Variants in CDC42BPA observed in about 807,000 individuals in gnomAD.
The protein encoded by CDC42BPA is serine/threonine-protein kinase MRCK alpha.
CDC42BPA carries 80 observed loss-of-function variants against 223.5 expected under a neutral mutation model. That is an observed-to-expected ratio of 0.36 (90% CI 0.30 to 0.43). CDC42BPA has a LOEUF of 0.43. CDC42BPA is among the 20% of genes least tolerant of loss of function. The pLI, the probability that CDC42BPA is intolerant of heterozygous loss-of-function variation, is 1.00. For synonymous variants in CDC42BPA, 694 were observed against 718.6 expected, an observed-to-expected ratio of 0.97 and a Z score of 0.55; for missense variants, 1,743 against 2,099.9, an observed-to-expected ratio of 0.83 and a Z score of 3.32.
intron 1 of CDC42BPA, among the ~76,000 whole-genome samples, chr1:227,300,363 C>A (rs976830008): frequency 1.3e-5 from 2 of 152,156 alleles, no homozygotes; most frequent in Non-Finnish European, 2.9e-5. Context: ...CACACCTGCA[C>A]ACATATGTTT....
In CDC42BPA at chr1:227,213,899, T is replaced by A. The variant is rs917682652; in HGVS notation, c.271-680A>T. Among the ~76,000 whole-genome samples the A allele has an allele frequency of 5.9e-5, 9 of 152,112 alleles. No individual in the cohort carries two copies. In the South Asian group the frequency reaches 1.0e-3, roughly 18 times the overall value. ...TATTTCAATTGCAGATCAAAAACTA[T>A]CAAATACAATAAATAAAATCCCTTT... On this transcript the variant is annotated intron_variant, in intron 2 of 36. Coordinates refer to ENST00000366766, the MANE Select transcript of CDC42BPA (RefSeq NM_001394014.1).
chr1:227,223,445 T>C (rs1244632241), intron 2 of CDC42BPA, among the ~76,000 whole-genome samples: 2 of 152,312 alleles, frequency 1.3e-5, no homozygotes, highest in Admixed American at 6.5e-5. Flanking sequence ...TCTGCGCAGA[T>C]AGTTTTAGCT....
chr1:227,305,007 A>G (rs1396665856), intron 1 of CDC42BPA, among the ~76,000 whole-genome samples: 1 of 152,204 alleles, frequency 6.6e-6, no homozygotes, highest in African/African-American at 2.4e-5. Flanking sequence ...ATACATACAT[A>G]ATAAGTGGCC....
At chr1:227,102,334 T>C (rs1337833459) in intron 14 of CDC42BPA, among the ~76,000 whole-genome samples, 1 of 152,122 alleles carries the variant, frequency 6.6e-6, no homozygotes, top group East Asian at 1.9e-4. Flanking sequence ...CAGATCCAGA[T>C]CGTCCAATGG....
chr1:227,315,982 T>C (rs1403278807), intron 1 of CDC42BPA, among the ~76,000 whole-genome samples: 1 of 106,918 alleles, frequency 9.4e-6, no homozygotes, highest in Non-Finnish European at 2.0e-5. Context: ...AAAGACACAA[T>C]CAGCACTTGA....
chr1:227,204,035 T>C (rs936747022), intron 3 of CDC42BPA, among the ~76,000 whole-genome samples: 1 of 152,180 alleles, frequency 6.6e-6, no homozygotes, highest in Non-Finnish European at 1.5e-5. Flanking sequence ...CTTTGGCTTA[T>C]CATTTAGTAG....
intron 21 of CDC42BPA, among the ~76,000 whole-genome samples, chr1:227,059,188 C>T (rs1675248477): frequency 7.0e-6 from 1 of 142,626 alleles, no homozygotes; most frequent in Admixed American, 7.2e-5. Context: ...GCGGCCAAAG[C>T]CAAAAAAAAA....
At position 227,160,650 on chromosome 1, in the gene CDC42BPA, T is replaced by G. The variant is rs766003147; in HGVS notation, c.600-14A>C. 2 of 1,355,254 alleles carry G rather than the reference T, an allele frequency of 1.5e-6. No homozygotes were observed. Among genetic ancestry groups the G allele is most frequent in the South Asian group, 2.6e-5 (2 of 75,622 alleles). 84.0% of individuals were successfully genotyped at this position (1,355,254 alleles called of 1,614,324 possible). The stretch of plus-strand genomic sequence containing the variant: ...GGTTTAATGTCTCTGAAAAAATAAA[T>G]AAATTCAATTTTTAGTGGAAAAATA... On this transcript the variant is annotated splice_polypyrimidine_tract_variant and intron_variant, in intron 5 of 36. Transcript: ENST00000366766.
At chr1:227,149,093 C>T (rs114490831) in intron 6 of CDC42BPA, among the ~76,000 whole-genome samples, 1,637 of 152,162 alleles carry the variant, frequency 0.011, 34 homozygotes, top group African/African-American at 0.037. Flanking sequence ...ATACCTTTTG[C>T]CTTAAAACGT....
intron 14 of CDC42BPA, among the ~76,000 whole-genome samples, chr1:227,109,674 T>C (rs1029220651): frequency 1.3e-5 from 2 of 152,012 alleles, no homozygotes; most frequent in African/African-American, 4.8e-5. Context: ...CTATCTTTCT[T>C]TATATCCATT....
At chr1:227,124,576 A>C (rs889003807) in intron 11 of CDC42BPA, among the ~76,000 whole-genome samples, 1 of 152,150 alleles carries the variant, frequency 6.6e-6, no homozygotes, top group Non-Finnish European at 1.5e-5. Context: ...AAAGGGAAGG[A>C]AAGAAAGAAA....
At chr1:227,259,614 T>C (rs1192090252) in intron 1 of CDC42BPA, among the ~76,000 whole-genome samples, 1 of 150,866 alleles carries the variant, frequency 6.6e-6, no homozygotes, top group Admixed American at 6.6e-5. Flanking sequence ...AATTTAGTTA[T>C]CATAAAATCC....
In CDC42BPA at chr1:226,991,444, T is replaced by C. The variant is rs1660730723; in HGVS notation, c.*2824A>G. On this transcript the variant is annotated 3_prime_UTR_variant, in exon 37 of 37. Coordinates refer to ENST00000366766, the MANE Select transcript of CDC42BPA (RefSeq NM_001394014.1). Reference sequence around the variant, plus strand: ...GCTTCTGGAGGTAACAGGCTTCATATTTAAGGGTGGGATAAACCCAGTAGG... The same window carrying C: ...GCTTCTGGAGGTAACAGGCTTCATACTTAAGGGTGGGATAAACCCAGTAGG... 1 of 152,212 alleles carries C rather than the reference T, an allele frequency of 6.6e-6. No homozygotes were observed. The highest frequency in any genetic ancestry group is 6.5e-5 in the Admixed American group (1 of 15,284). The allele number at this position is 152,212 out of a possible 1,614,324, so 9.4% of individuals were successfully genotyped here.
intron 8 of CDC42BPA, among the ~76,000 whole-genome samples, chr1:227,144,673 T>G (rs572245227): frequency 6.7e-6 from 1 of 148,690 alleles, no homozygotes; most frequent in Admixed American, 6.7e-5. Context: ...TAATCTCATA[T>G]AACCTAAAGG....
At chr1:227,107,465 G>A (rs941288772) in intron 14 of CDC42BPA, among the ~76,000 whole-genome samples, 5 of 152,130 alleles carry the variant, frequency 3.3e-5, no homozygotes, top group African/African-American at 1.2e-4. Context: ...CTGTCACCCA[G>A]GCTGGAATGC....
intron 22 of CDC42BPA, 69 bp from the exon 23 acceptor site, chr1:227,048,079 A>T: frequency 2.2e-6 from 2 of 910,260 alleles, no homozygotes. Context: ...ATAACTAGAA[A>T]GAAGCCAAAA....
At chr1:227,048,055 C>A in intron 22 of CDC42BPA, 45 bp from the exon 23 acceptor site, 1 of 1,139,196 alleles carries the variant, frequency 8.8e-7, no homozygotes, top group Non-Finnish European at 1.3e-6. Flanking sequence ...TGAAACACTC[C>A]ATTAATTTCA....
chr1:227,048,476 T>C (rs1227327036), intron 22 of CDC42BPA, among the ~76,000 whole-genome samples: 1 of 151,944 alleles, frequency 6.6e-6, no homozygotes, highest in African/African-American at 2.4e-5. Flanking sequence ...TGGATGTGAA[T>C]ACATAGACAG....
chr1:227,208,993 G>A (rs1173679485), intron 3 of CDC42BPA, among the ~76,000 whole-genome samples: 3 of 151,832 alleles, frequency 2.0e-5, no homozygotes, highest in Non-Finnish European at 4.4e-5. Flanking sequence ...CATGAGCATG[G>A]AATGTTCTTC....
Sources: allele counts gnomAD v4.1 joint callset (sites outside exome capture counted in the v4.1 genomes callset), GRCh38; gene constraint gnomAD v4.1.1; transcripts MANE v1.5; gene names NCBI Gene and HGNC (gene_info 2026-07-23, HGNC 2026-07-21).